The following PHACTR3 variants were observed in gnomAD, a reference collection of about 807,000 sequenced individuals.
PHACTR3 encodes phosphatase and actin regulator 3, also known as protein phosphatase 1, regulatory subunit 123.
Under a neutral mutation model 66.8 loss-of-function variants are expected in PHACTR3, and 16 were observed. The observed-to-expected ratio is 0.24, with a 90% confidence interval of 0.16 to 0.36. The LOEUF is 0.36. Ranked by LOEUF, PHACTR3 falls within the 10% of genes least tolerant of loss-of-function variation. The pLI is 1.00. For missense variants in PHACTR3, 647 were observed against 719.9 expected, an observed-to-expected ratio of 0.90 and a Z score of 1.16; for synonymous variants, 323 against 292.1, an observed-to-expected ratio of 1.11 and a Z score of -1.08.
chr20:59,588,892 C>T (rs914929757), intron 1 of PHACTR3, among the ~76,000 whole-genome samples: 2 of 152,240 alleles, frequency 1.3e-5, no homozygotes, highest in Non-Finnish European at 2.9e-5. Context: ...GGCCCGTTGC[C>T]GAATGAAGGG....
chr20:59,685,066 C>T (rs992156110), intron 1 of PHACTR3, among the ~76,000 whole-genome samples: 2 of 152,170 alleles, frequency 1.3e-5, no homozygotes, highest in Non-Finnish European at 2.9e-5. Flanking sequence ...TCCAGGGCCC[C>T]CTCTTTCATG....
intron 1 of PHACTR3, among the ~76,000 whole-genome samples, chr20:59,583,400 A>G (rs2032916822): frequency 6.6e-6 from 1 of 152,136 alleles, no homozygotes; most frequent in Non-Finnish European, 1.5e-5. Flanking sequence ...TTTGGGCAAA[A>G]ATTGGTCTGA....
intron 1 of PHACTR3, among the ~76,000 whole-genome samples, chr20:59,662,495 CTG>C (rs936842681): frequency 6.6e-6 from 1 of 152,044 alleles, no homozygotes; most frequent in Non-Finnish European, 1.5e-5. Flanking sequence ...GCCCATGAGT[CTG>C]GAAGGTGGGG....
intron 1 of PHACTR3, among the ~76,000 whole-genome samples, chr20:59,668,367 C>G (rs953433896): frequency 1.3e-5 from 2 of 152,010 alleles, no homozygotes; most frequent in Non-Finnish European, 2.9e-5. Context: ...GAGGTGGGCA[C>G]GTACACCCGT....
At chr20:59,728,196 C>A (rs1302099920) in intron 1 of PHACTR3, among the ~76,000 whole-genome samples, 2 of 152,130 alleles carry the variant, frequency 1.3e-5, no homozygotes, top group African/African-American at 2.4e-5. Context: ...GCGGCAGCCA[C>A]CACTCTGCCT....
chr20:59,803,613 T>C (rs1358612325), intron 7 of PHACTR3, among the ~76,000 whole-genome samples: 1 of 152,254 alleles, frequency 6.6e-6, no homozygotes, highest in East Asian at 1.9e-4. Flanking sequence ...TAGCAATATA[T>C]AGTGACTATC....
At chr20:59,843,161 G>T (rs981406765) in intron 11 of PHACTR3, among the ~76,000 whole-genome samples, 5 of 151,904 alleles carry the variant, frequency 3.3e-5, no homozygotes, top group African/African-American at 1.2e-4. Context: ...GAACCAAGGA[G>T]GTGAAAGACC....
chr20:59,780,601 T>A (rs577741587), intron 7 of PHACTR3, among the ~76,000 whole-genome samples: 2 of 152,028 alleles, frequency 1.3e-5, no homozygotes, highest in African/African-American at 2.4e-5. Context: ...TACCATCACA[T>A]TGGGGTTAGG....
intron 1 of PHACTR3, among the ~76,000 whole-genome samples, chr20:59,670,609 G>A (rs140859488): frequency 2.9e-5 from 4 of 136,692 alleles, no homozygotes; most frequent in African/African-American, 5.2e-5. Context: ...CGGGGGTGGG[G>A]GGGGGGGGCA....
rs2039016261 is a variant in PHACTR3, at chr20:59,738,036, A to G, written c.119-5071A>G. Among the ~76,000 whole-genome samples the G allele has an allele frequency of 1.3e-5, 2 of 152,178 alleles. No homozygotes were observed. The highest frequency in any genetic ancestry group is 1.3e-4 in the Admixed American group (2 of 15,298). ...GCTGATTAAAATAGTGCAGGTAGTG[A>G]CGGTGGTCCTGGCAGTGATGGTGGT... On this transcript the variant is annotated intron_variant, in intron 1 of 12. Transcript: ENST00000371015. This position sits in a 1 kb window ranked among gnomAD's most constrained non-coding sequence, Gnocchi z 4.4.
intron 1 of PHACTR3, among the ~76,000 whole-genome samples, chr20:59,618,090 G>A (rs2034099804): frequency 6.6e-6 from 1 of 152,196 alleles, no homozygotes; most frequent in Non-Finnish European, 1.5e-5. Context: ...GCCAAAAGGT[G>A]GCTTCGAATT....
In PHACTR3 at chr20:59,830,959, T is replaced by G. The variant is rs1386290482; in HGVS notation, c.1329-5546T>G. Among the ~76,000 whole-genome samples, 1 of 151,576 alleles carries G rather than the reference T, an allele frequency of 6.6e-6. No individual in the cohort carries two copies. The highest frequency in any genetic ancestry group is 6.5e-5 in the Admixed American group (1 of 15,276). On this transcript the variant is annotated intron_variant, in intron 8 of 12. Transcript: ENST00000371015. The surrounding 1 kb of genome is among the most constrained non-coding windows in gnomAD (Gnocchi z 5.8). ...GTGGCATCATGACTCCTGGAGCCTC[T>G]CCAGGCGTCCTGACTGTCCAGGCTG...
chr20:59,797,603 A>C (rs933398665), intron 7 of PHACTR3, among the ~76,000 whole-genome samples: 1 of 152,170 alleles, frequency 6.6e-6, no homozygotes, highest in Non-Finnish European at 1.5e-5. Flanking sequence ...GCTGTAATCA[A>C]TGTCAGCAAT....
intron 1 of PHACTR3, among the ~76,000 whole-genome samples, chr20:59,657,898 G>A (rs1238869781): frequency 1.3e-5 from 2 of 152,038 alleles, no homozygotes; most frequent in African/African-American, 4.8e-5. Flanking sequence ...AAAAATTTCT[G>A]CTTCTTTTTC....
At chr20:59,827,409 A>G (rs2042224344) in intron 8 of PHACTR3, among the ~76,000 whole-genome samples, 1 of 152,200 alleles carries the variant, frequency 6.6e-6, no homozygotes, top group Admixed American at 6.5e-5. Context: ...AGGGCAGTCT[A>G]GAGTCCCTTT....
At chr20:59,582,836 A>G (rs2032901349) in intron 1 of PHACTR3, among the ~76,000 whole-genome samples, 1 of 152,104 alleles carries the variant, frequency 6.6e-6, no homozygotes, top group South Asian at 2.1e-4. Flanking sequence ...GGCTGCAAAT[A>G]TTCGTGTCCT....
intron 1 of PHACTR3, among the ~76,000 whole-genome samples, chr20:59,701,438 T>C (rs1457124943): frequency 3.3e-5 from 5 of 152,182 alleles, no homozygotes; most frequent in Admixed American, 1.3e-4. Context: ...TTGGCTACCA[T>C]CTGTCTGCCA....
chr20:59,598,258 A>G (rs1368571631), intron 1 of PHACTR3, among the ~76,000 whole-genome samples: 1 of 152,158 alleles, frequency 6.6e-6, no homozygotes. Flanking sequence ...ACGGAAGGAG[A>G]ATATCAAAGG....
intron 1 of PHACTR3, among the ~76,000 whole-genome samples, chr20:59,581,880 CA>C (rs11478164): frequency 0.37 from 49,775 of 133,274 alleles, 9,527 homozygotes; most frequent in African/African-American, 0.57. Context: ...GACTCCGTCT[CA>C]AAAAAAAAAA....
Sources: gnomAD v4.1 joint callset for allele counts (sites outside exome capture counted in the v4.1 genomes callset) on GRCh38, gnomAD v4.1.1 for gene constraint, Gnocchi (gnomAD v3.1) non-coding constraint, MANE v1.5 for transcripts, NCBI Gene and HGNC (gene_info 2026-07-23, HGNC 2026-07-21) for gene names.